Variants in PADI2 observed in about 807,000 individuals in gnomAD.
The protein encoded by PADI2 is protein-arginine deiminase type-2.
A neutral mutation model predicts 81.1 loss-of-function variants in PADI2; 70 were observed. That is an observed-to-expected ratio of 0.86 (90% CI 0.71 to 1.05). The LOEUF (loss-of-function observed/expected upper bound fraction) is 1.05, where lower values mean the gene tolerates loss of function less well. Ranked by LOEUF, PADI2 falls within the 50% of genes least tolerant of loss-of-function variation. The pLI is 0.00. For synonymous variants in PADI2, 338 were observed against 358.0 expected, an observed-to-expected ratio of 0.94 and a Z score of 0.63; for missense variants, 853 against 889.9, an observed-to-expected ratio of 0.96 and a Z score of 0.53.
intron 10 of PADI2, 51 bp downstream of exon 10, chr1:17,082,494 T>C (rs368253753): frequency 1.8e-4 from 208 of 1,186,740 alleles, no homozygotes; most frequent in Non-Finnish European, 2.5e-4. Context: ...CTCTGTCTTA[T>C]GAGAATCTCC....
At chr1:17,077,060 C>T (rs879158197) in intron 11 of PADI2, among the ~76,000 whole-genome samples, 1 of 152,120 alleles carries the variant, frequency 6.6e-6, no homozygotes, top group Non-Finnish European at 1.5e-5. Context: ...CACTTGCTAT[C>T]CCTTGGGGCT....
intron 4 of PADI2, among the ~76,000 whole-genome samples, chr1:17,094,426 C>T (rs1930832829): frequency 6.6e-6 from 1 of 152,224 alleles, no homozygotes; most frequent in Non-Finnish European, 1.5e-5. Flanking sequence ...CTCTACCCTT[C>T]CTCGGTTACA....
intron 3 of PADI2, among the ~76,000 whole-genome samples, chr1:17,098,464 G>A (rs552349646): frequency 3.3e-4 from 51 of 152,262 alleles, no homozygotes; most frequent in African/African-American, 1.2e-3. Flanking sequence ...GTAATATTTG[G>A]ACATAGTACA....
intron 1 of PADI2, among the ~76,000 whole-genome samples, chr1:17,111,612 T>C (rs1439925432): frequency 1.3e-5 from 2 of 151,754 alleles, no homozygotes; most frequent in Non-Finnish European, 2.9e-5. Flanking sequence ...AAACCAGAGA[T>C]TCTTAAATTT....
At chr1:17,112,528 G>GTGC (rs1553184407) in intron 1 of PADI2, among the ~76,000 whole-genome samples, 1 of 151,930 alleles carries the variant, frequency 6.6e-6, no homozygotes, top group Non-Finnish European at 1.5e-5. Context: ...GAGTCTGGGG[G>GTGC]GGGGAGTCGT....
chr1:17,092,580 C>G (rs780996629), intron 5 of PADI2, 47 bp from the exon 6 acceptor site: 33 of 1,490,058 alleles, frequency 2.2e-5, no homozygotes, highest in African/African-American at 5.7e-5. Context: ...GTTGCTGGAG[C>G]CTCAGCTTCC....
At position 17,074,945 on chromosome 1, in the gene PADI2, A is replaced by C; in HGVS notation, c.1460T>G (p.Phe487Cys). ...SFVPIPGTKKFLLLMASTSAC... is the reference protein window; with the variant it reads ...SFVPIPGTKKCLLLMASTSAC... ...CGAGGTGCTGGCCATGAGTAGCAGG[A>C]ATTTCTGCAAGAGACAGTCCAGAGG... Residue 487 changes from phenylalanine (F) to cysteine (C), a missense_variant, in exon 13 of 16, where the codon TTC becomes TGC. Physicochemically the swap from Phe to Cys is radical, Grantham distance 205. Transcript: ENST00000375486. 1 of 1,609,890 alleles carries C rather than the reference A, an allele frequency of 6.2e-7. No individual in the cohort carries two copies. Among genetic ancestry groups the C allele is most frequent in the South Asian group, 1.1e-5 (1 of 90,706 alleles).
intron 3 of PADI2, 143 bp from the exon 4 acceptor site, chr1:17,096,113 G>C: frequency 1.8e-6 from 1 of 558,374 alleles, no homozygotes; most frequent in Non-Finnish European, 3.2e-6. Context: ...GTCATCTTAT[G>C]CAACCCCCTG....
At chr1:17,070,482 T>C (rs2078257814) in intron 14 of PADI2, among the ~76,000 whole-genome samples, 1 of 152,196 alleles carries the variant, frequency 6.6e-6, no homozygotes, top group Non-Finnish European at 1.5e-5. Flanking sequence ...GTCCCTGTGC[T>C]AAGTGCTTCC....
chr1:17,088,309 A>T (rs760146543), intron 6 of PADI2, among the ~76,000 whole-genome samples: 1 of 152,216 alleles, frequency 6.6e-6, no homozygotes, highest in Non-Finnish European at 1.5e-5. Flanking sequence ...TATGCCCTGT[A>T]GAGCTGGAAG....
At chr1:17,087,452 C>G (rs1273547191) in intron 6 of PADI2, among the ~76,000 whole-genome samples, 1 of 152,002 alleles carries the variant, frequency 6.6e-6, no homozygotes, top group African/African-American at 2.4e-5. Context: ...CCCACAGCCA[C>G]CTGCCATCTC....
At chr1:17,086,747 G>C (rs1930458856) in intron 6 of PADI2, 48 bp from the exon 7 acceptor site, 3 of 1,546,274 alleles carry the variant, frequency 1.9e-6, no homozygotes, top group African/African-American at 2.7e-5. Flanking sequence ...ATCAGAAAGA[G>C]GTCGGTGGGG....
In PADI2 at chr1:17,068,865, T is replaced by C. The variant is rs183893016; in HGVS notation, c.*179A>G. The C allele has an allele frequency of 9.8e-6, 6 of 613,960 alleles. No homozygotes were observed. Among genetic ancestry groups the C allele is most frequent in the Admixed American group, 2.8e-5 (1 of 35,236 alleles). 38.0% of individuals were successfully genotyped at this position (613,960 alleles called of 1,614,324 possible). A position where few individuals can be genotyped will look rare whatever the true frequency, so the allele number is the denominator to read the frequency against. On this transcript the variant is annotated 3_prime_UTR_variant, in exon 16 of 16. Coordinates refer to ENST00000375486, the MANE Select transcript of PADI2 (RefSeq NM_007365.3). ...AGAGTCGAGGCTCACTGGGGATGGC[T>C]TCAGAGGACACTGAGGCCCCTCTCA...
chr1:17,102,316 G>A (rs1434679073), intron 3 of PADI2, among the ~76,000 whole-genome samples: 1 of 152,218 alleles, frequency 6.6e-6, no homozygotes, highest in African/African-American at 2.4e-5. Context: ...CAAGGGTCCT[G>A]TAGAGCCAGG....
intron 13 of PADI2, among the ~76,000 whole-genome samples, chr1:17,074,266 C>T (rs1408982649): frequency 2.6e-5 from 4 of 151,992 alleles, no homozygotes; most frequent in Admixed American, 2.6e-4. Context: ...GTGGTGCCTG[C>T]CTGTAATCCC....
At chr1:17,094,547 C>T (rs1306943130) in intron 4 of PADI2, among the ~76,000 whole-genome samples, 1 of 152,226 alleles carries the variant, frequency 6.6e-6, no homozygotes, top group African/African-American at 2.4e-5. Context: ...CTTAGGACAA[C>T]TGTGATGACA....
intron 5 of PADI2, among the ~76,000 whole-genome samples, chr1:17,093,038 G>T (rs1008231913): frequency 2.0e-5 from 3 of 151,694 alleles, no homozygotes; most frequent in Non-Finnish European, 4.4e-5. Context: ...CACTAGAGAT[G>T]ATTAACCTTT....
intron 13 of PADI2, 91 bp from the exon 14 acceptor site, chr1:17,071,582 C>T: frequency 3.1e-6 from 3 of 977,384 alleles, no homozygotes; most frequent in Non-Finnish European, 1.6e-6. Flanking sequence ...CCTGGGCTAA[C>T]TGCTGGACTG....
intron 11 of PADI2, among the ~76,000 whole-genome samples, chr1:17,078,014 C>T (rs549564589): frequency 6.6e-6 from 1 of 152,282 alleles, no homozygotes; most frequent in Admixed American, 6.5e-5. Context: ...TATGGTAGCC[C>T]TGAGGATTCA....
Sources: allele counts gnomAD v4.1 joint callset (sites outside exome capture counted in the v4.1 genomes callset), GRCh38; gene constraint gnomAD v4.1.1; transcripts MANE v1.5; gene names NCBI Gene and HGNC (gene_info 2026-07-23, HGNC 2026-07-21).